Variants in CABCOCO1 observed in about 807,000 individuals in gnomAD.
CABCOCO1 encodes the protein ciliary-associated calcium-binding coiled-coil protein 1.
CABCOCO1 carries 28 observed loss-of-function variants against 35.7 expected under a neutral mutation model. The observed-to-expected ratio is 0.78, with a 90% confidence interval of 0.58 to 1.07. The LOEUF (loss-of-function observed/expected upper bound fraction) is 1.07, where lower values mean the gene tolerates loss of function less well. CABCOCO1 is among the 50% of genes least tolerant of loss of function. The pLI is 0.00. For synonymous variants in CABCOCO1, 95 were observed against 100.1 expected (o/e 0.95, Z 0.30); for missense variants, 326 against 309.2 (o/e 1.05, Z -0.41).
chr10:61,683,782 C>A (rs576401089), intron 3 of CABCOCO1, among the ~76,000 whole-genome samples: 2 of 152,118 alleles, frequency 1.3e-5, no homozygotes, highest in Non-Finnish European at 2.9e-5. Flanking sequence ...TTTAAAAAAG[C>A]AAATATTTCA....
At chr10:61,746,646 T>G (rs1841668457) in intron 5 of CABCOCO1, among the ~76,000 whole-genome samples, 1 of 152,150 alleles carries the variant, frequency 6.6e-6, no homozygotes, top group African/African-American at 2.4e-5. Flanking sequence ...GCATCCATGT[T>G]TTGTCTTAAT....
chr10:61,716,343 A>G (rs72823804), intron 5 of CABCOCO1, among the ~76,000 whole-genome samples: 15,680 of 152,166 alleles, frequency 0.1, 954 homozygotes, highest in Middle Eastern at 0.17. Flanking sequence ...CAGAACTGGC[A>G]CAGTGTCACT....
At chr10:61,688,855 G>A (rs1294541104) in intron 4 of CABCOCO1, among the ~76,000 whole-genome samples, 1 of 152,100 alleles carries the variant, frequency 6.6e-6, no homozygotes. Context: ...ATGCATTATC[G>A]CAGCTGAAGT....
At chr10:61,686,779 A>G (rs1322719671) in intron 4 of CABCOCO1, among the ~76,000 whole-genome samples, 2 of 152,192 alleles carry the variant, frequency 1.3e-5, no homozygotes, top group Non-Finnish European at 2.9e-5. Flanking sequence ...GTGTGGAAGT[A>G]AAGTATTTTT....
chr10:61,728,037 G>A (rs904396875), intron 5 of CABCOCO1, among the ~76,000 whole-genome samples: 2 of 152,066 alleles, frequency 1.3e-5, no homozygotes, highest in Non-Finnish European at 2.9e-5. Context: ...AAAACCTGTG[G>A]GTTACACACA....
In CABCOCO1 at chr10:61,743,918, C is replaced by T. The variant is rs958245526; in HGVS notation, c.553-16141C>T. The stretch of plus-strand genomic sequence containing the variant: ...TCTTCTATATTTCTAGAACACTCTA[C>T]ATATACTTCTAATAATTGTTTCATT... On this transcript the variant is annotated intron_variant, in intron 5 of 7. Coordinates refer to ENST00000648843, the MANE Select transcript of CABCOCO1 (RefSeq NM_001366906.2). 2.6e-5 allele frequency among the ~76,000 whole-genome samples: 4 copies of T among 152,146 alleles called. No individual in the cohort carries two copies. The South Asian group carries it at 8.3e-4, about 31-fold the overall frequency.
At chr10:61,677,080 T>TAAC (rs1328314649) in intron 2 of CABCOCO1, among the ~76,000 whole-genome samples, 1 of 150,598 alleles carries the variant, frequency 6.6e-6, no homozygotes, top group East Asian at 1.9e-4. Context: ...ATAATAATAA[T>TAAC]AATAATAATA....
At chr10:61,704,894 G>T (rs545230389) in intron 5 of CABCOCO1, among the ~76,000 whole-genome samples, 1 of 145,208 alleles carries the variant, frequency 6.9e-6, no homozygotes, top group Non-Finnish European at 1.5e-5. Context: ...TTCAATCTCA[G>T]AAAAGCCCCC....
At position 61,666,611 on chromosome 10, in the gene CABCOCO1, C is replaced by T. The variant is rs186821239; in HGVS notation, c.60+3579C>T. ...CTCCTCCTCTCCCTTCTGTCTTCCT[C>T]CCTAGATGGCACAAATAGTCTTCAA... On this transcript the variant is annotated intron_variant, in intron 1 of 7. Transcript: ENST00000648843. 2.8e-4 allele frequency among the ~76,000 whole-genome samples: 42 copies of T among 152,176 alleles called. 1 individual carries two copies. The highest frequency in any genetic ancestry group is 9.2e-4 in the African/African-American group (38 of 41,530).
In CABCOCO1 at chr10:61,766,326, A is replaced by T. The variant is rs1368258691; in HGVS notation, c.*313A>T. The T allele has an allele frequency of 1.1e-5, 2 of 174,198 alleles. No homozygotes were observed. Among genetic ancestry groups the T allele is most frequent in the Non-Finnish European group, 2.4e-5 (2 of 82,046 alleles). The allele number at this position is 174,198 out of a possible 1,614,324, so 10.8% of individuals were successfully genotyped here. A position where few individuals can be genotyped will look rare whatever the true frequency, so the allele number is the denominator to read the frequency against. ...ACGTTTTGACTAATAAATCCTATTC[A>T]TCTTCAAGGAGAATGAAGTCAACTT... On this transcript the variant is annotated 3_prime_UTR_variant, in exon 8 of 8. Coordinates refer to ENST00000648843, the MANE Select transcript of CABCOCO1 (RefSeq NM_001366906.2).
At chr10:61,759,254 T>C (rs990922183) in intron 5 of CABCOCO1, among the ~76,000 whole-genome samples, 10 of 152,154 alleles carry the variant, frequency 6.6e-5, no homozygotes, top group African/African-American at 2.4e-4. Context: ...TACAGATCAA[T>C]TGGGATGGGA....
chr10:61,765,882 A>G, intron 7 of CABCOCO1, 57 bp from the exon 8 acceptor site: 2 of 1,494,374 alleles, frequency 1.3e-6, no homozygotes, highest in Non-Finnish European at 1.9e-6. Flanking sequence ...CCACAAAGAC[A>G]ATGTGCAGCA....
At chr10:61,759,209 G>T (rs1177546414) in intron 5 of CABCOCO1, among the ~76,000 whole-genome samples, 1 of 151,982 alleles carries the variant, frequency 6.6e-6, no homozygotes, top group Admixed American at 6.6e-5. Flanking sequence ...CATGTAGTAG[G>T]CATGAAAACG....
chr10:61,720,252 A>G (rs968589479), intron 5 of CABCOCO1, among the ~76,000 whole-genome samples: 4 of 151,030 alleles, frequency 2.6e-5, no homozygotes, highest in Non-Finnish European at 5.9e-5. Context: ...ATAAAAATGC[A>G]TCACCAACAA....
Position 61,681,273 on chromosome 10 carries a change from T to C in CABCOCO1, c.295T>C (p.Phe99Leu). The change falls in exon 3 of 8, where the codon TTT becomes CTT. Residue 99 changes from phenylalanine (F) to leucine (L), a missense_variant. Coordinates refer to ENST00000648843, the MANE Select transcript of CABCOCO1 (RefSeq NM_001366906.2). ...TTTCTCTATTATTCAGTATTCAAAATTTATGACTTTACTAGCTATGTCACT... is the reference window on the plus strand; with the variant it reads ...TTTCTCTATTATTCAGTATTCAAAACTTATGACTTTACTAGCTATGTCACT... ...MDFSIIQYSK[F>L]MTLLAMSLQN... is the part of the protein sequence containing the mutation. The C allele has an allele frequency of 6.4e-7, 1 of 1,569,486 alleles. No homozygotes were observed. Among genetic ancestry groups the C allele is most frequent in the Non-Finnish European group, 8.7e-7 (1 of 1,150,300 alleles).
chr10:61,756,284 C>G (rs1841895885), intron 5 of CABCOCO1, among the ~76,000 whole-genome samples: 1 of 151,960 alleles, frequency 6.6e-6, no homozygotes, highest in Non-Finnish European at 1.5e-5. Context: ...AACAATATAA[C>G]TAACTTAATT....
chr10:61,677,356 G>A (rs956421196), intron 2 of CABCOCO1, among the ~76,000 whole-genome samples: 3 of 152,090 alleles, frequency 2.0e-5, no homozygotes, highest in South Asian at 4.1e-4. Flanking sequence ...TTAACCAATG[G>A]AGGACATCAA....
intron 5 of CABCOCO1, among the ~76,000 whole-genome samples, chr10:61,693,277 G>A (rs749786648): frequency 1.3e-5 from 2 of 152,086 alleles, no homozygotes; most frequent in African/African-American, 2.4e-5. Flanking sequence ...CTAACCCTTG[G>A]TACAAATACC....
intron 1 of CABCOCO1, among the ~76,000 whole-genome samples, chr10:61,668,331 G>A (rs769952822): frequency 6.6e-6 from 1 of 151,798 alleles, no homozygotes; most frequent in Non-Finnish European, 1.5e-5. Flanking sequence ...TTAGTTCAGG[G>A]TTTTGTGTGT....
Sources: allele counts gnomAD v4.1 joint callset (sites outside exome capture counted in the v4.1 genomes callset), GRCh38; gene constraint gnomAD v4.1.1; transcripts MANE v1.5; gene names NCBI Gene and HGNC (gene_info 2026-07-23, HGNC 2026-07-21).